SCFD1: variants seen among roughly 807,000 people sequenced by gnomAD.
The protein encoded by SCFD1 is sec1 family domain containing 1.
A neutral mutation model predicts 103.2 loss-of-function variants in SCFD1; 37 were observed. The observed-to-expected ratio is 0.36, with a 90% confidence interval of 0.28 to 0.47. The LOEUF (loss-of-function observed/expected upper bound fraction) is 0.47, where lower values mean the gene tolerates loss of function less well. SCFD1 is among the 20% of genes least tolerant of loss of function. The pLI, the probability that SCFD1 is intolerant of heterozygous loss-of-function variation, is 1.00. For synonymous variants in SCFD1, 264 were observed against 245.0 expected (o/e 1.08, Z -0.73); for missense variants, 639 against 761.2 (o/e 0.84, Z 1.89).
chr14:30,641,613 T>C (rs984379916), intron 6 of SCFD1, among the ~76,000 whole-genome samples: 2 of 152,254 alleles, frequency 1.3e-5, no homozygotes, highest in African/African-American at 4.8e-5. Context: ...ATCCCCTGAA[T>C]TCACATAATG....
chr14:30,708,107 A>ATGTT, intron 19 of SCFD1, 42 bp downstream of exon 19: 7 of 1,291,046 alleles, frequency 5.4e-6, no homozygotes, highest in East Asian at 2.3e-5. Context: ...ACTTTTAAAC[A>ATGTT]TAAATGTTGA....
intron 14 of SCFD1, among the ~76,000 whole-genome samples, chr14:30,678,586 A>G (rs1173303292): frequency 1.3e-5 from 2 of 152,192 alleles, no homozygotes; most frequent in Admixed American, 1.3e-4. Flanking sequence ...TAATTTGTAG[A>G]CAGCCTGTTT....
At chr14:30,638,717 A>G (rs966331012) in intron 5 of SCFD1, among the ~76,000 whole-genome samples, 10 of 152,176 alleles carry the variant, frequency 6.6e-5, no homozygotes, top group Non-Finnish European at 1.2e-4. Flanking sequence ...ATTAAGAGAA[A>G]AAGAACCCAT....
chr14:30,643,895 G>A (rs754212985), intron 7 of SCFD1: 1 of 453,220 alleles, frequency 2.2e-6, no homozygotes, highest in South Asian at 1.6e-5. Flanking sequence ...GGGGATACAT[G>A]TGCAAGTTTG....
intron 15 of SCFD1, among the ~76,000 whole-genome samples, chr14:30,697,541 A>G (rs549706482): frequency 3.7e-4 from 56 of 152,322 alleles, no homozygotes; most frequent in Non-Finnish European, 7.8e-4. Context: ...TAAATACCTT[A>G]TTAGGTAACC....
intron 1 of SCFD1, among the ~76,000 whole-genome samples, chr14:30,626,356 G>A (rs951628706): frequency 6.6e-6 from 1 of 151,976 alleles, no homozygotes; most frequent in Non-Finnish European, 1.5e-5. Context: ...CCCTGAGAAT[G>A]ACCCTGTATT....
chr14:30,636,266 G>GT (rs904267354), intron 4 of SCFD1, among the ~76,000 whole-genome samples: 99 of 145,472 alleles, frequency 6.8e-4, no homozygotes, highest in South Asian at 1.5e-3. Flanking sequence ...CAGTTTATCG[G>GT]TTTTTTTTTT....
At chr14:30,701,307 A>G (rs1325507323) in intron 16 of SCFD1, among the ~76,000 whole-genome samples, 2 of 152,180 alleles carry the variant, frequency 1.3e-5, no homozygotes, top group South Asian at 2.1e-4. Flanking sequence ...TTTTGTAAGT[A>G]TCTCTTTCAG....
chr14:30,666,955 C>T (rs1697972089), intron 10 of SCFD1, among the ~76,000 whole-genome samples: 1 of 152,144 alleles, frequency 6.6e-6, no homozygotes, highest in African/African-American at 2.4e-5. Context: ...GGTGAATTCA[C>T]AGCTGAATTC....
At chr14:30,638,318 G>T (rs1472058021) in intron 5 of SCFD1, 71 bp downstream of exon 5, 7 of 1,598,802 alleles carry the variant, frequency 4.4e-6, no homozygotes, top group Non-Finnish European at 6.0e-6. Flanking sequence ...ACCCGTAGTT[G>T]GCATAGATAT....
intron 23 of SCFD1, among the ~76,000 whole-genome samples, chr14:30,723,460 C>T (rs767675176): frequency 3.9e-5 from 6 of 152,040 alleles, no homozygotes; most frequent in Non-Finnish European, 8.8e-5. Flanking sequence ...CATAGGTAAA[C>T]TCGTGTCATG....
intron 10 of SCFD1, among the ~76,000 whole-genome samples, chr14:30,658,880 A>G (rs193058805): frequency 1.1e-3 from 171 of 152,318 alleles, no homozygotes; most frequent in African/African-American, 3.9e-3. Context: ...GGTCAGCACT[A>G]TGTAGCCTAA....
intron 14 of SCFD1, among the ~76,000 whole-genome samples, chr14:30,689,831 C>T (rs1890104397): frequency 1.4e-5 from 2 of 140,314 alleles, no homozygotes; most frequent in Non-Finnish European, 3.1e-5. Context: ...ATTCTCCATC[C>T]AGCTTTGTTC....
intron 23 of SCFD1, among the ~76,000 whole-genome samples, chr14:30,726,935 T>A (rs1460308283): frequency 6.6e-6 from 1 of 152,106 alleles, no homozygotes; most frequent in Non-Finnish European, 1.5e-5. Context: ...TGCCATTGAG[T>A]TTTTATTGCT....
At chr14:30,719,626 G>A (rs2273519) in intron 21 of SCFD1, among the ~76,000 whole-genome samples, 57,622 of 151,804 alleles carry the variant, frequency 0.38, 12,650 homozygotes, top group Non-Finnish European at 0.5. Flanking sequence ...ATGAAATGGT[G>A]GAGGTATTAG....
At chr14:30,694,008 C>T (rs983523515) in intron 14 of SCFD1, among the ~76,000 whole-genome samples, 14 of 151,892 alleles carry the variant, frequency 9.2e-5, no homozygotes, top group African/African-American at 1.9e-4. Context: ...ACTACGTTTC[C>T]GTTATCTTAA....
upstream of SCFD1, chr14:30,622,258 C>T (rs900679711): frequency 5.7e-6 from 9 of 1,568,588 alleles, no homozygotes; most frequent in Admixed American, 1.8e-5. Context: ...CCCTTCCGGG[C>T]TTTGCTTCCG....
At chr14:30,648,056 A>G (rs554440366) in intron 7 of SCFD1, among the ~76,000 whole-genome samples, 1 of 152,212 alleles carries the variant, frequency 6.6e-6, no homozygotes, top group African/African-American at 2.4e-5. Flanking sequence ...AGAACAGTAT[A>G]TATACTATCG....
chr14:30,703,958 T>TATATAA (rs1302282864), intron 17 of SCFD1, among the ~76,000 whole-genome samples: 1 of 49,052 alleles, frequency 2.0e-5, no homozygotes, highest in African/African-American at 3.1e-4. Flanking sequence ...TATATATATA[T>TATATAA]ATATAAATAA....
Sources: gnomAD v4.1 joint callset for allele counts (sites outside exome capture counted in the v4.1 genomes callset) on GRCh38, gnomAD v4.1.1 for gene constraint, MANE v1.5 for transcripts, NCBI Gene and HGNC (gene_info 2026-07-23, HGNC 2026-07-21) for gene names.